The following AKR1C3 variants were observed in gnomAD, a reference collection of about 807,000 sequenced individuals.
AKR1C3 encodes 3-alpha hydroxysteroid dehydrogenase, type II.
Under a neutral mutation model 43.6 loss-of-function variants are expected in AKR1C3, and 48 were observed. That is an observed-to-expected ratio of 1.10 (90% confidence interval 0.87 to 1.40). The LOEUF is 1.40. AKR1C3 is among the 40% of genes most tolerant of loss of function. The pLI is 0.00. For missense variants in AKR1C3, 482 were observed against 391.2 expected (o/e 1.23, Z -1.96); for synonymous variants, 162 against 139.6 (o/e 1.16, Z -1.13).
At chr10:5,105,798 G>C (rs983170584) in intron 8 of AKR1C3, 121 bp downstream of exon 8, 2 of 736,666 alleles carry the variant, frequency 2.7e-6, no homozygotes, top group Non-Finnish European at 4.7e-6. Flanking sequence ...GGTGAGACTG[G>C]AACTCTCCTG....
intron 1 of AKR1C3, among the ~76,000 whole-genome samples, chr10:5,049,121 T>A (rs1182226712): frequency 6.6e-6 from 1 of 151,782 alleles, no homozygotes; most frequent in African/African-American, 2.4e-5. Context: ...GCACTGTTTT[T>A]TTTCTTCTAT....
chr10:5,103,786 G>C (rs1423935583), intron 7 of AKR1C3, among the ~76,000 whole-genome samples: 1 of 152,142 alleles, frequency 6.6e-6, no homozygotes, highest in Non-Finnish European at 1.5e-5. Context: ...CCAGACTCAA[G>C]GGATGGGTAA....
At chr10:5,057,918 C>A (rs534103069) in intron 1 of AKR1C3, among the ~76,000 whole-genome samples, 5 of 152,314 alleles carry the variant, frequency 3.3e-5, no homozygotes, top group African/African-American at 1.2e-4. Context: ...AAGGTTTGCC[C>A]TAGACCCTGT....
At chr10:5,068,439 C>T (rs1554780989) in intron 1 of AKR1C3, among the ~76,000 whole-genome samples, 1 of 151,658 alleles carries the variant, frequency 6.6e-6, no homozygotes, top group African/African-American at 2.4e-5. Flanking sequence ...TTCCAGATTG[C>T]CCTAAATTAC....
rs1040205111 is a variant in AKR1C3 at position 5,073,074 on chromosome 10, A to G, written c.85-23336A>G. 7.9e-5 allele frequency among the ~76,000 whole-genome samples: 12 copies of G among 152,166 alleles called. No homozygotes were observed. In the East Asian group the frequency reaches 2.1e-3, roughly 27 times the overall value. On this transcript the variant is annotated intron_variant, in intron 1 of 8. Coordinates refer to the AKR1C3 transcript ENST00000439082. ...CGCCTCCTGAGTTCAAGTGATTCAC[A>G]TGCCTTAGCCTCTCAAGATGCTGGG...
At chr10:5,062,854 TAAAAAAA>T (rs57602420) in intron 1 of AKR1C3, among the ~76,000 whole-genome samples, 1 of 138,556 alleles carries the variant, frequency 7.2e-6, no homozygotes, top group Non-Finnish European at 1.5e-5. Context: ...AACTCCTAGT[TAAAAAAA>T]AAAAAAAAAG....
intron 7 of AKR1C3, 26 bp from the exon 8 acceptor site, chr10:5,105,569 T>A (rs782350239): frequency 1.6e-4 from 259 of 1,579,962 alleles, no homozygotes; most frequent in Non-Finnish European, 2.2e-4. Flanking sequence ...AATCTAAAAA[T>A]AATAAAAGTT....
In AKR1C3 at chr10:5,105,603, G is replaced by C; in HGVS notation, c.855G>C (p.Glu285Asp). The change falls in exon 8 of 9, where the codon GAG becomes GAC. Residue 285 changes from glutamate to aspartate, a missense_variant. By Grantham distance (45) the Glu-to-Asp change is conservative (BLOSUM62 2). Transcript: ENST00000380554. ...QRIRQNVQVF[E>D]FQLTAEDMKA... ...TTTTTTATTTCTGATAGGTTTTTGA[G>C]TTCCAGTTGACTGCAGAGGACATGA... The C allele has an allele frequency of 6.2e-7, 1 of 1,613,568 alleles. No homozygotes were observed. The highest frequency in any genetic ancestry group is 8.5e-7 in the Non-Finnish European group (1 of 1,179,686).
At chr10:5,094,867 T>C (rs990085559) in intron 1 of AKR1C3, among the ~76,000 whole-genome samples, 1 of 152,152 alleles carries the variant, frequency 6.6e-6, no homozygotes, top group African/African-American at 2.4e-5. Context: ...TCTCTGTTTC[T>C]ACAACTGAAG....
intron 1 of AKR1C3, among the ~76,000 whole-genome samples, chr10:5,055,143 T>A (rs11511653): frequency 0.31 from 47,488 of 152,156 alleles, 7,608 homozygotes; most frequent in East Asian, 0.4. Flanking sequence ...GGGAAGAGGC[T>A]TACTTTCAAA....
intron 1 of AKR1C3, among the ~76,000 whole-genome samples, chr10:5,049,253 A>G (rs1328847476): frequency 2.0e-5 from 3 of 152,184 alleles, no homozygotes; most frequent in African/African-American, 7.2e-5. Flanking sequence ...TTCTACACTG[A>G]AGAAATCTTT....
At chr10:5,098,033 C>A in intron 3 of AKR1C3, 1 of 1,000,296 alleles carries the variant, frequency 1.0e-6, no homozygotes, top group Non-Finnish European at 1.2e-6. Flanking sequence ...TATTATTCTG[C>A]TGCCTCTTCT....
rs563743529 is a variant in AKR1C3, at chr10:5,055,877, C to T, written c.84+6982C>T. 2.0e-3 allele frequency among the ~76,000 whole-genome samples: 310 copies of T among 152,268 alleles called. 2 individuals are homozygous for T. The highest frequency in any genetic ancestry group is 6.6e-3 in the African/African-American group (273 of 41,546). On this transcript the variant is annotated intron_variant, in intron 1 of 8. Transcript: ENST00000439082. ...CTGGGGATCCATAGTCGGCAAAAGC[C>T]GGTAATTCCAAGGAACCCCCTCAAC...
At chr10:5,063,163 A>T (rs1451185647) in intron 1 of AKR1C3, among the ~76,000 whole-genome samples, 1 of 147,700 alleles carries the variant, frequency 6.8e-6, no homozygotes, top group African/African-American at 2.4e-5. Flanking sequence ...GATTTAAAAT[A>T]TGAATTTATA....
chr10:5,088,052 T>A (rs1839012106), intron 1 of AKR1C3, among the ~76,000 whole-genome samples: 1 of 152,206 alleles, frequency 6.6e-6, no homozygotes, highest in African/African-American at 2.4e-5. Context: ...AAAAATCTGT[T>A]GAATTCTGAA....
chr10:5,107,323 A>C, intron 8 of AKR1C3, 138 bp from the exon 9 acceptor site: 1 of 647,490 alleles, frequency 1.5e-6, no homozygotes. Context: ...AGCCATGTTC[A>C]TAAAGGTAAG....
chr10:5,057,429 C>T, intron 1 of AKR1C3, among the ~76,000 whole-genome samples: 1 of 152,100 alleles, frequency 6.6e-6, no homozygotes. Context: ...TGTTCAGGGC[C>T]CAGGGCTTGC....
chr10:5,063,770 A>AAAAAAAAAAAAAG (rs1838432883), intron 1 of AKR1C3, among the ~76,000 whole-genome samples: 1 of 142,340 alleles, frequency 7.0e-6, no homozygotes, highest in African/African-American at 2.6e-5. Context: ...CTCAGCAAAA[A>AAAAAAAAAAAAAG]AAAAAAAAAA....
Position 5,086,635 on chromosome 10 carries a change from A to G in AKR1C3, c.85-9775A>G, listed in dbSNP as rs11528593. 4.1e-3 allele frequency among the ~76,000 whole-genome samples: 622 copies of G among 152,018 alleles called. 25 individuals carry two copies. In the East Asian group the frequency reaches 0.094, roughly 23 times the overall value. ...AGTTCAATTCCTGGGTATCCTTGTT[A>G]ACTTTCTGTCTCGTTGATCTGTCTA... On this transcript the variant is annotated intron_variant, in intron 1 of 8. Coordinates refer to the AKR1C3 transcript ENST00000439082.
Sources: gnomAD v4.1 joint callset for allele counts (sites outside exome capture counted in the v4.1 genomes callset) on GRCh38, gnomAD v4.1.1 for gene constraint, MANE v1.5 for transcripts, NCBI Gene and HGNC (gene_info 2026-07-23, HGNC 2026-07-21) for gene names.